Variants in ADD2 observed in about 807,000 individuals in gnomAD.
The protein encoded by ADD2 is adducin 2, also known as beta-adducin.
A neutral mutation model predicts 83.0 loss-of-function variants in ADD2; 23 were observed. The ratio of observed to expected loss-of-function variants is 0.28; its 90% CI spans 0.20 to 0.39. ADD2 has a LOEUF of 0.39. Ranked by LOEUF, ADD2 falls within the 10% of genes least tolerant of loss-of-function variation. The pLI is 1.00. For missense variants in ADD2, 758 were observed against 944.9 expected, an observed-to-expected ratio of 0.80 and a Z score of 2.59; for synonymous variants, 375 against 375.4, an observed-to-expected ratio of 1.00 and a Z score of 0.01.
At chr2:70,667,621 G>A (rs1327888284) in intron 15 of ADD2, among the ~76,000 whole-genome samples, 1 of 152,122 alleles carries the variant, frequency 6.6e-6, no homozygotes, top group Non-Finnish European at 1.5e-5. Flanking sequence ...TTCCAGAAGA[G>A]ATTCGCTTTT....
At chr2:70,663,846 G>C (rs981329778) in intron 15 of ADD2, 111 bp from the exon 16 acceptor site, 10 of 1,190,698 alleles carry the variant, frequency 8.4e-6, no homozygotes, top group Non-Finnish European at 1.2e-5. Context: ...TCCAGAGCGA[G>C]GGGAGGGCCA....
intron 4 of ADD2, among the ~76,000 whole-genome samples, chr2:70,701,138 A>G (rs565373923): frequency 6.6e-5 from 10 of 152,248 alleles, no homozygotes; most frequent in South Asian, 2.1e-4. Context: ...TGTGAATATG[A>G]ATGCAAAAAT....
In ADD2 at chr2:70,704,533, G is replaced by T. The variant is rs189413856; in HGVS notation, c.184-74C>A. On this transcript the variant is annotated intron_variant, in intron 3 of 15. Transcript: ENST00000264436. ...TGCCCAACAATGAGCTCTTCCAAGT[G>T]CCCACCCCTTGCCCCTGGGTCAGCT... The T allele has an allele frequency of 8.0e-5, 127 of 1,581,714 alleles. No individual in the cohort carries two copies. The East Asian group carries it at 2.7e-3, about 33-fold the overall frequency.
chr2:70,709,867 T>G (rs1007422301), intron 2 of ADD2, among the ~76,000 whole-genome samples: 7 of 152,182 alleles, frequency 4.6e-5, no homozygotes, highest in Non-Finnish European at 8.8e-5. Flanking sequence ...ACCTCTATCA[T>G]GCTCACACCC....
At chr2:70,704,549 T>TG in intron 3 of ADD2, 90 bp from the exon 4 acceptor site, 1 of 1,541,464 alleles carries the variant, frequency 6.5e-7, no homozygotes, top group Non-Finnish European at 8.8e-7. Context: ...CCCTTGCCCC[T>TG]GGGTCAGCTA....
intron 13 of ADD2, chr2:70,675,194 C>T (rs2104217853): frequency 2.0e-6 from 2 of 1,018,676 alleles, no homozygotes; most frequent in East Asian, 9.1e-5. Flanking sequence ...CAAAGCCCAG[C>T]AAGCATAGCA....
chr2:70,683,818 C>G (rs1670587580), intron 9 of ADD2, 51 bp from the exon 10 acceptor site: 11 of 1,566,158 alleles, frequency 7.0e-6, no homozygotes, highest in Non-Finnish European at 9.6e-6. Context: ...GGGTACCCTG[C>G]ACTTATCTAT....
chr2:70,668,363 C>G (rs1669761360), intron 15 of ADD2, among the ~76,000 whole-genome samples: 1 of 152,196 alleles, frequency 6.6e-6, no homozygotes, highest in African/African-American at 2.4e-5. Flanking sequence ...AAGCATGTAC[C>G]TATCCAAGGT....
At chr2:70,766,560 A>G (rs939670827) in intron 1 of ADD2, among the ~76,000 whole-genome samples, 11 of 152,154 alleles carry the variant, frequency 7.2e-5, no homozygotes, top group Non-Finnish European at 1.5e-5. Flanking sequence ...CTGACTTGCT[A>G]TTTTTCTCTT....
At chr2:70,725,955 AGGCG>A (rs1443537340) in intron 1 of ADD2, among the ~76,000 whole-genome samples, 1 of 152,084 alleles carries the variant, frequency 6.6e-6, no homozygotes, top group Non-Finnish European at 1.5e-5. Context: ...TGGGAGGCCA[AGGCG>A]GGCGGATCAC....
At chr2:70,703,263 C>A (rs1671702797) in intron 4 of ADD2, among the ~76,000 whole-genome samples, 1 of 152,088 alleles carries the variant, frequency 6.6e-6, no homozygotes, top group Non-Finnish European at 1.5e-5. Context: ...AAAATCATGT[C>A]CAATATGTAT....
chr2:70,742,540 G>C (rs1553381304), intron 1 of ADD2, among the ~76,000 whole-genome samples: 1 of 152,168 alleles, frequency 6.6e-6, no homozygotes, highest in Non-Finnish European at 1.5e-5. Context: ...AAAATATGAC[G>C]ATATCTGCAA....
At chr2:70,736,750 A>G (rs1273967216) in intron 1 of ADD2, among the ~76,000 whole-genome samples, 1 of 151,902 alleles carries the variant, frequency 6.6e-6, no homozygotes, top group African/African-American at 2.4e-5. Flanking sequence ...ACATAATGAG[A>G]ATCTATTTCT....
chr2:70,714,202 A>G (rs1553375954), intron 1 of ADD2, among the ~76,000 whole-genome samples: 1 of 152,142 alleles, frequency 6.6e-6, no homozygotes, highest in Non-Finnish European at 1.5e-5. Flanking sequence ...ATCATTTTCC[A>G]TTTTCACTTG....
At chr2:70,704,271 C>CCCCCCCCCCCCCCCCCA in intron 4 of ADD2, 50 bp downstream of exon 4, 2 of 1,279,028 alleles carry the variant, frequency 1.6e-6, no homozygotes, top group East Asian at 2.7e-5. Flanking sequence ...CTTCCCCACC[C>CCCCCCCCCCCCCCCCCA]CACCCTCCCC....
At chr2:70,757,953 T>C (rs1674881606) in intron 1 of ADD2, among the ~76,000 whole-genome samples, 2 of 152,190 alleles carry the variant, frequency 1.3e-5, no homozygotes, top group Admixed American at 6.5e-5. Flanking sequence ...TTCCCTTCAA[T>C]AAAATGATTC....
At chr2:70,767,775 G>A (rs1675484728) in intron 1 of ADD2, 111 bp downstream of exon 1, 1 of 1,463,950 alleles carries the variant, frequency 6.8e-7, no homozygotes, top group South Asian at 1.4e-5. Context: ...GGCAACAGAC[G>A]CGCCCCACCT....
chr2:70,659,693 TAGA>T lies in ADD2; in HGVS notation c.*3729_*3731del, dbSNP rs1240316012. Reference sequence around the variant, plus strand: ...GCTCTTAGGGAGTCCAGATCTGGGCTAGAAGGTGTCTCTTTCTGCAGTTTGGGA... The same window carrying T: ...GCTCTTAGGGAGTCCAGATCTGGGCTAGGTGTCTCTTTCTGCAGTTTGGGA... On this transcript the variant is annotated 3_prime_UTR_variant, in exon 16 of 16. Coordinates refer to ENST00000264436, the MANE Select transcript of ADD2 (RefSeq NM_001617.4). 1 of 152,414 alleles carries T rather than the reference TAGA, an allele frequency of 6.6e-6. No homozygotes were observed. The highest frequency in any genetic ancestry group is 1.5e-5 in the Non-Finnish European group (1 of 68,126). The allele number at this position is 152,414 out of a possible 1,614,324, so 9.4% of individuals were successfully genotyped here.
chr2:70,696,822 A>C (rs1419737565), intron 4 of ADD2, among the ~76,000 whole-genome samples: 7 of 152,234 alleles, frequency 4.6e-5, no homozygotes, highest in African/African-American at 1.4e-4. Context: ...TTTTAACGAC[A>C]CCATGTAATC....
Sources: allele counts gnomAD v4.1 joint callset (sites outside exome capture counted in the v4.1 genomes callset), GRCh38; gene constraint gnomAD v4.1.1; transcripts MANE v1.5; gene names NCBI Gene and HGNC (gene_info 2026-07-23, HGNC 2026-07-21).